SPIDR: variants seen among roughly 807,000 people sequenced by gnomAD.
SPIDR encodes the protein scaffold protein involved in DNA repair.
Under a neutral mutation model 104.6 loss-of-function variants are expected in SPIDR, and 93 were observed. The observed-to-expected ratio is 0.89, with a 90% CI of 0.75 to 1.06. The LOEUF (loss-of-function observed/expected upper bound fraction) is 1.06. Ranked by LOEUF, SPIDR falls within the 50% of genes least tolerant of loss-of-function variation. SPIDR has a pLI of 0.00. For missense variants in SPIDR, 1,154 were observed against 1,111.2 expected (o/e 1.04, Z -0.55); for synonymous variants, 431 against 416.9 (o/e 1.03, Z -0.41).
At chr8:47,485,043 G>A (rs1446555425) in intron 8 of SPIDR, among the ~76,000 whole-genome samples, 1 of 152,222 alleles carries the variant, frequency 6.6e-6, no homozygotes, top group African/African-American at 2.4e-5. Context: ...CTGAAGCAGG[G>A]CGAGGCATGG....
intron 11 of SPIDR, among the ~76,000 whole-genome samples, chr8:47,689,335 C>A (rs1287133026): frequency 2.0e-5 from 3 of 152,302 alleles, no homozygotes; most frequent in Non-Finnish European, 2.9e-5. Flanking sequence ...GTCTGTGTCT[C>A]CTTCAGGTAA....
intron 11 of SPIDR, among the ~76,000 whole-genome samples, chr8:47,689,275 C>T (rs1185491134): frequency 3.3e-5 from 5 of 152,170 alleles, no homozygotes; most frequent in Non-Finnish European, 7.3e-5. Context: ...ATAGCTCTCC[C>T]GGGTTGGTTG....
At chr8:47,555,522 T>G (rs932487704) in intron 8 of SPIDR, among the ~76,000 whole-genome samples, 1 of 152,214 alleles carries the variant, frequency 6.6e-6, no homozygotes, top group Non-Finnish European at 1.5e-5. Flanking sequence ...CCTCAAAAAT[T>G]GAGCAATAGA....
At chr8:47,463,096 C>T (rs1586127598) in intron 8 of SPIDR, among the ~76,000 whole-genome samples, 1 of 152,170 alleles carries the variant, frequency 6.6e-6, no homozygotes, top group Non-Finnish European at 1.5e-5. Context: ...CGGTGACTCA[C>T]GCCTGTAATC....
intron 5 of SPIDR, among the ~76,000 whole-genome samples, chr8:47,303,329 C>T (rs782562083): frequency 1.3e-5 from 2 of 152,200 alleles, no homozygotes; most frequent in Non-Finnish European, 2.9e-5. Context: ...CCCGATTTTC[C>T]AGGTGCTGTC....
intron 5 of SPIDR, among the ~76,000 whole-genome samples, chr8:47,394,185 C>T (rs1355916097): frequency 6.6e-6 from 1 of 151,980 alleles, no homozygotes; most frequent in Non-Finnish European, 1.5e-5. Context: ...GGGATTACAC[C>T]CACCCAGCCA....
chr8:47,423,253 C>T (rs1021270941), intron 7 of SPIDR, among the ~76,000 whole-genome samples: 1 of 150,380 alleles, frequency 6.6e-6, no homozygotes, highest in Non-Finnish European at 1.5e-5. Flanking sequence ...GCCGAGATTA[C>T]GCCACCACAC....
chr8:47,512,108 C>G (rs573247244), intron 8 of SPIDR: 1 of 514,260 alleles, frequency 1.9e-6, no homozygotes, highest in Non-Finnish European at 3.5e-6. Flanking sequence ...ATCACCACCA[C>G]GAACTCTCTC....
At chr8:47,700,173 T>C (rs2079952234) in intron 11 of SPIDR, among the ~76,000 whole-genome samples, 1 of 152,238 alleles carries the variant, frequency 6.6e-6, no homozygotes, top group Admixed American at 6.5e-5. Flanking sequence ...ACTATTTCAC[T>C]GTGTGGATGG....
At chr8:47,440,832 A>C (rs2069285820) in intron 8 of SPIDR, among the ~76,000 whole-genome samples, 1 of 152,134 alleles carries the variant, frequency 6.6e-6, no homozygotes, top group Non-Finnish European at 1.5e-5. Flanking sequence ...TTTTGTTTTT[A>C]TATTTCTTAG....
At chr8:47,568,894 G>A (rs2058202924) in intron 8 of SPIDR, among the ~76,000 whole-genome samples, 1 of 152,078 alleles carries the variant, frequency 6.6e-6, no homozygotes, top group African/African-American at 2.4e-5. Context: ...TTCTTTATCA[G>A]TAATCACATT....
intron 1 of SPIDR, among the ~76,000 whole-genome samples, chr8:47,270,586 A>G (rs1279939838): frequency 6.6e-6 from 1 of 151,794 alleles, no homozygotes; most frequent in Non-Finnish European, 1.5e-5. Flanking sequence ...CTTTTTGAGG[A>G]ACTAACTTTT....
chr8:47,483,760 A>T (rs1019929490), intron 8 of SPIDR, among the ~76,000 whole-genome samples: 5 of 152,162 alleles, frequency 3.3e-5, no homozygotes, highest in Non-Finnish European at 5.9e-5. Context: ...TCCCAGCTGT[A>T]TAGACTTTCA....
chr8:47,336,143 C>T lies in SPIDR; in HGVS notation c.525+42113C>T, dbSNP rs11998076. On this transcript the variant is annotated intron_variant, in intron 5 of 19. Coordinates refer to ENST00000297423, the MANE Select transcript of SPIDR (RefSeq NM_001080394.4). Reference sequence around the variant, plus strand: ...TACTCTATTTTTTTCAGTCTCTTCCCTGTTTGCTTTTCGGTTTTGGAGGTT... The same window carrying T: ...TACTCTATTTTTTTCAGTCTCTTCCTTGTTTGCTTTTCGGTTTTGGAGGTT... 2.4e-3 allele frequency among the ~76,000 whole-genome samples: 366 copies of T among 152,126 alleles called. 1 individual carries two copies. Among genetic ancestry groups the T allele is most frequent in the African/African-American group, 8.3e-3 (344 of 41,496 alleles).
chr8:47,689,271 C>G (rs143625448), intron 11 of SPIDR, among the ~76,000 whole-genome samples: 148 of 152,308 alleles, frequency 9.7e-4, no homozygotes, highest in African/African-American at 2.9e-3. Context: ...ACCCATAGCT[C>G]TCCCGGGTTG....
intron 8 of SPIDR, among the ~76,000 whole-genome samples, chr8:47,534,895 G>A (rs915417105): frequency 5.3e-5 from 8 of 152,064 alleles, no homozygotes; most frequent in Non-Finnish European, 1.2e-4. Flanking sequence ...ATTGATAAAT[G>A]TGGAGCCAGA....
At chr8:47,650,536 G>C (rs2071422373) in intron 10 of SPIDR, among the ~76,000 whole-genome samples, 1 of 152,120 alleles carries the variant, frequency 6.6e-6, no homozygotes, top group Non-Finnish European at 1.5e-5. Context: ...GCTGCCCAAA[G>C]CAACCTACAG....
intron 8 of SPIDR, among the ~76,000 whole-genome samples, chr8:47,576,497 G>A (rs1246318270): frequency 3.3e-5 from 5 of 151,382 alleles, no homozygotes; most frequent in Admixed American, 6.6e-5. Context: ...GCAGTGGCAC[G>A]ATCTTGACTC....
chr8:47,622,353 C>G (rs2065285407), intron 10 of SPIDR, among the ~76,000 whole-genome samples: 1 of 152,204 alleles, frequency 6.6e-6, no homozygotes. Context: ...AGACCCACCG[C>G]TTGGAGCAGC....
Sources: gnomAD v4.1 joint callset for allele counts (sites outside exome capture counted in the v4.1 genomes callset) on GRCh38, gnomAD v4.1.1 for gene constraint, MANE v1.5 for transcripts, NCBI Gene and HGNC (gene_info 2026-07-23, HGNC 2026-07-21) for gene names.